Variants in SSB observed in about 807,000 individuals in gnomAD.
SSB encodes the protein small RNA binding exonuclease protection factor La.
Under a neutral mutation model 52.9 loss-of-function variants are expected in SSB, and 17 were observed. That is an observed-to-expected ratio of 0.32 (90% CI 0.22 to 0.48). The LOEUF is 0.48. Ranked by LOEUF, SSB falls within the 20% of genes least tolerant of loss-of-function variation. SSB has a pLI of 0.99. For synonymous variants in SSB, 111 were observed against 152.1 expected (o/e 0.73, Z 1.99); for missense variants, 314 against 463.6 (o/e 0.68, Z 2.96).
chr2:169,803,068 A>ACCTGTT (rs1689744854), intron 2 of SSB, among the ~76,000 whole-genome samples: 1 of 152,208 alleles, frequency 6.6e-6, no homozygotes, highest in South Asian at 2.1e-4. Flanking sequence ...AAAAACACTG[A>ACCTGTT]TAATTGTCAG....
intron 6 of SSB, 106 bp downstream of exon 6, chr2:169,807,177 T>C: frequency 1.2e-6 from 1 of 818,302 alleles, no homozygotes. Flanking sequence ...ATTCTTAGTA[T>C]CTTTAGATGA....
intron 9 of SSB, 88 bp from the exon 10 acceptor site, chr2:169,810,770 C>A: frequency 7.8e-7 from 1 of 1,288,246 alleles, no homozygotes; most frequent in South Asian, 1.5e-5. Flanking sequence ...GGAAGGTTTG[C>A]AGGGTAGAAA....
intron 4 of SSB, 100 bp downstream of exon 4, chr2:169,805,939 A>G: frequency 3.5e-6 from 4 of 1,127,612 alleles, no homozygotes; most frequent in Non-Finnish European, 5.2e-6. Flanking sequence ...TAATTACTGT[A>G]TGTCCTTTCG....
chr2:169,811,373 C>A, intron 11 of SSB, 50 bp downstream of exon 11: 2 of 1,487,628 alleles, frequency 1.3e-6, no homozygotes, highest in South Asian at 1.4e-5. Context: ...ATTTCTACTT[C>A]CATAAATAAA....
chr2:169,810,761 GA>G lies in SSB; in HGVS notation c.811-95del. The stretch of plus-strand genomic sequence containing the variant: ...ATTCATTCAAACTGGTAAAGACATG[GA>G]AGGTTTGCAGGGTAGAAAAAATTAC... On this transcript the variant is annotated intron_variant, in intron 9 of 11. Transcript: ENST00000260956. 2 of 1,196,624 alleles carry G rather than the reference GA, an allele frequency of 1.7e-6. 1 individual carries two copies. Among genetic ancestry groups the G allele is most frequent in the South Asian group, 3.1e-5 (2 of 65,188 alleles). 74.1% of individuals were successfully genotyped at this position (1,196,624 alleles called of 1,614,324 possible). A position where few individuals can be genotyped will look rare whatever the true frequency, so the allele number is the denominator to read the frequency against.
intron 6 of SSB, 127 bp downstream of exon 6, chr2:169,807,198 AT>A: frequency 1.4e-6 from 1 of 702,958 alleles, no homozygotes; most frequent in South Asian, 2.0e-5. Flanking sequence ...CCTTTGAGAA[AT>A]GCTTGATATT....
At chr2:169,804,976 A>G (rs1293272295) in intron 2 of SSB, among the ~76,000 whole-genome samples, 1 of 152,148 alleles carries the variant, frequency 6.6e-6, no homozygotes, top group Non-Finnish European at 1.5e-5. Flanking sequence ...TAAAAATAAC[A>G]AAAATTCGCT....
In SSB at chr2:169,805,825, A is replaced by C. The variant is rs1689817661; in HGVS notation, c.331A>C (p.Arg111=). The stretch of plus-strand genomic sequence containing the variant: ...TGAGTATAAAAATGATGTAAAAAAC[A>C]GATCTGTTTATATTGTAAGTGGGCC... ...TDEYKNDVKN[R]SVYIKGFPTD... Residue 111 remains arginine, a synonymous_variant, in exon 4 of 12, where the codon AGA becomes CGA. Transcript: ENST00000260956. 1 of 1,613,364 alleles carries C rather than the reference A, an allele frequency of 6.2e-7. No individual in the cohort carries two copies. Among genetic ancestry groups the C allele is most frequent in the Admixed American group, 1.7e-5 (1 of 59,852 alleles).
At chr2:169,807,448 C>A (rs1175597100) in intron 6 of SSB, among the ~76,000 whole-genome samples, 1 of 152,088 alleles carries the variant, frequency 6.6e-6, no homozygotes, top group African/African-American at 2.4e-5. Flanking sequence ...GCCACCTCGT[C>A]CACCTAATTT....
chr2:169,803,268 A>T (rs962031696), intron 2 of SSB, among the ~76,000 whole-genome samples: 1 of 151,620 alleles, frequency 6.6e-6, no homozygotes, highest in Non-Finnish European at 1.5e-5. Flanking sequence ...TTATTTATTT[A>T]TTTTTTGTGA....
intron 1 of SSB, 118 bp downstream of exon 1, chr2:169,799,094 C>T (rs1056938115): frequency 6.6e-6 from 1 of 152,108 alleles, no homozygotes; most frequent in African/African-American, 2.4e-5. Flanking sequence ...TCGCCTTCCT[C>T]ACGTTCAGGC....
chr2:169,810,479 AG>A, intron 9 of SSB, 56 bp downstream of exon 9: 5 of 1,472,696 alleles, frequency 3.4e-6, no homozygotes, highest in Non-Finnish European at 4.6e-6. Context: ...GTAGAAACTT[AG>A]ACAAAATTAG....
At chr2:169,805,366 T>C (rs572708772) in intron 2 of SSB, 108 bp from the exon 3 acceptor site, 1 of 780,362 alleles carries the variant, frequency 1.3e-6, no homozygotes, top group African/African-American at 1.8e-5. Flanking sequence ...TGTTTTGCCT[T>C]TTGTAACTTA....
chr2:169,806,546 C>T (rs543917425), intron 4 of SSB: 1 of 360,472 alleles, frequency 2.8e-6, no homozygotes, highest in South Asian at 6.4e-5. Flanking sequence ...ACATGCAAAT[C>T]ATCTTGTTTT....
At chr2:169,806,269 G>A (rs1689827806) in intron 4 of SSB, among the ~76,000 whole-genome samples, 2 of 152,054 alleles carry the variant, frequency 1.3e-5, no homozygotes, top group South Asian at 2.1e-4. Flanking sequence ...CTAGTCCTAA[G>A]TTTTATCTTC....
At chr2:169,799,629 C>T (rs1433334771) in intron 1 of SSB, 1 of 152,112 alleles carries the variant, frequency 6.6e-6, no homozygotes, top group Non-Finnish European at 1.5e-5. Context: ...TTTATTTCAT[C>T]GTTTGCTTTG....
Position 169,807,011 on chromosome 2 carries a change from A to G in SSB, c.494A>G (p.Lys165Arg). 2 of 1,614,032 alleles carry G rather than the reference A, an allele frequency of 1.2e-6. No individual in the cohort carries two copies. Among genetic ancestry groups the G allele is most frequent in the South Asian group, 2.2e-5 (2 of 91,082 alleles). Residue 165 changes from lysine (K) to arginine (R), a missense_variant, in exon 6 of 12, where the codon AAG (lysine) becomes AGG (arginine). Coordinates refer to ENST00000260956, the MANE Select transcript of SSB (RefSeq NM_003142.5). The stretch of plus-strand genomic sequence containing the variant: ...GTGTTTGATAGCATTGAATCTGCTA[A>G]GAAATTTGTAGAGACCCCTGGCCAG... ...FVVFDSIESA[K>R]KFVETPGQKY...
chr2:169,807,208 T>C (rs968801676), intron 6 of SSB, 137 bp downstream of exon 6: 2 of 673,684 alleles, frequency 3.0e-6, no homozygotes, highest in East Asian at 2.6e-5. Context: ...ATGCTTGATA[T>C]TTGTTCAGTG....
rs370462850 is a variant in SSB at position 169,812,039 on chromosome 2, T to G, written c.*283T>G. 327 of 696,524 alleles carry G rather than the reference T, an allele frequency of 4.7e-4. 3 individuals are homozygous for G. In the South Asian group the frequency reaches 6.6e-3, roughly 14 times the overall value. 43.1% of individuals were successfully genotyped at this position (696,524 alleles called of 1,614,324 possible). A position where few individuals can be genotyped will look rare whatever the true frequency, so the allele number is the denominator to read the frequency against. On this transcript the variant is annotated 3_prime_UTR_variant, in exon 12 of 12. Coordinates refer to ENST00000260956, the MANE Select transcript of SSB (RefSeq NM_003142.5). Reference sequence around the variant, plus strand: ...TATTAGTACAAACTAACTAATAAAATATATACTATATGAAAAGAGCAAAAA... The same window carrying G: ...TATTAGTACAAACTAACTAATAAAAGATATACTATATGAAAAGAGCAAAAA...
Sources: allele counts gnomAD v4.1 joint callset (sites outside exome capture counted in the v4.1 genomes callset), GRCh38; gene constraint gnomAD v4.1.1; transcripts MANE v1.5; gene names NCBI Gene and HGNC (gene_info 2026-07-23, HGNC 2026-07-21).